The following LZTR1 variants were observed in gnomAD, a reference collection of about 807,000 sequenced individuals.
LZTR1 encodes the protein leucine zipper like post translational regulator 1.
A neutral mutation model predicts 105.7 loss-of-function variants in LZTR1; 260 were observed. That is an observed-to-expected ratio of 2.46 (90% CI 2.22 to 2.72). LZTR1 has a LOEUF of 2.72. LZTR1 is among the 30% of genes most tolerant of loss of function. The probability of loss-of-function intolerance (pLI) is 0.00; values close to 1 mark genes in which losing one functional copy is unlikely to be tolerated. For missense variants in LZTR1, 1,214 were observed against 1,166.9 expected (o/e 1.04, Z -0.59); for synonymous variants, 490 against 476.4 (o/e 1.03, Z -0.37).
chr22:20,994,566 G>A lies in LZTR1; in HGVS notation c.1624G>A (p.Glu542Lys), dbSNP rs745516367. 6 of 1,610,258 alleles carry A rather than the reference G, an allele frequency of 3.7e-6. No individual in the cohort carries two copies. Among genetic ancestry groups the A allele is most frequent in the Middle Eastern group, 3.3e-4 (2 of 6,028 alleles). ...GGGGCTCTGGGGCGCAGGCCATGTG[G>A]AGGATGTGCTGCTCATCATGGATGT... The part of the protein sequence containing the change: ...KIKYPRKGHV[E>K]DVLLIMDVYK... Residue 542 changes from glutamate to lysine, a missense_variant, in exon 15 of 21, where the codon GAG becomes AAG. Transcript: ENST00000646124.
In LZTR1 at chr22:20,982,557, G is replaced by A; in HGVS notation, c.186G>A (p.Glu62=). ...GGCGGCGCCTCCCGCCCTGCGACGAGTTCGTGGGTGCCCGGTACGGTGGGC... is the reference window on the plus strand; with the variant it reads ...GGCGGCGCCTCCCGCCCTGCGACGAATTCGTGGGTGCCCGGTACGGTGGGC... ...HRWRRLPPCD[E]FVGARRSKHT... is the part of the protein sequence containing the mutation. Residue 62 remains glutamate, a synonymous_variant, in exon 1 of 21, where the codon GAG becomes GAA. Transcript: ENST00000646124. The A allele has an allele frequency of 1.2e-6, 2 of 1,612,202 alleles. No homozygotes were observed. Among genetic ancestry groups the A allele is most frequent in the African/African-American group, 2.7e-5 (2 of 75,052 alleles).
rs1924977709 is a variant in LZTR1, at chr22:20,998,678, C to G, written c.*1330C>G. 1 of 153,066 alleles carries G rather than the reference C, an allele frequency of 6.5e-6. No individual in the cohort carries two copies. Among genetic ancestry groups the G allele is most frequent in the Non-Finnish European group, 1.5e-5 (1 of 68,670 alleles). 9.5% of individuals were successfully genotyped at this position (153,066 alleles called of 1,614,324 possible). A position where few individuals can be genotyped will look rare whatever the true frequency, so the allele number is the denominator to read the frequency against. On this transcript the variant is annotated 3_prime_UTR_variant, in exon 21 of 21. Coordinates refer to ENST00000646124, the MANE Select transcript of LZTR1 (RefSeq NM_006767.4). ...GGAACAAGGGAGGAGAGAGCAGGAG[C>G]TGGGGCAGAGGCTGAGCCGGGAGGC... is the stretch of plus-strand genomic sequence containing the variant.
chr22:20,993,745 G>A lies in LZTR1; in HGVS notation c.1344G>A (p.Val448=), dbSNP rs928583988. Residue 448 remains valine (V), a synonymous_variant, in exon 12 of 21, where the codon GTG becomes GTA. Transcript: ENST00000646124. ...GCCAGTTCTGCGACGTGGAGTTCGT[G>A]CTGGGTGAGGTGGGTGCCTGTCCTC... is the stretch of plus-strand genomic sequence containing the variant. ...ESRQFCDVEF[V]LGEKEECVQG... is the part of the protein sequence containing the mutation. The A allele has an allele frequency of 3.1e-6, 5 of 1,612,832 alleles. No individual in the cohort carries two copies. Among genetic ancestry groups the A allele is most frequent in the Non-Finnish European group, 4.2e-6 (5 of 1,179,754 alleles).
intron 10 of LZTR1, 99 bp downstream of exon 10, chr22:20,992,468 C>G: frequency 7.6e-7 from 1 of 1,322,456 alleles, no homozygotes; most frequent in Non-Finnish European, 1.0e-6. Context: ...CCGAGAAATA[C>G]TTGCTTGGGG....
chr22:20,989,394 G>T, intron 6 of LZTR1, among the ~76,000 whole-genome samples: 1 of 152,224 alleles, frequency 6.6e-6, no homozygotes, highest in East Asian at 1.9e-4. Flanking sequence ...ACACTGCCCT[G>T]ATGTCATGCA....
intron 2 of LZTR1, among the ~76,000 whole-genome samples, chr22:20,984,911 T>C (rs1053246660): frequency 6.6e-6 from 1 of 152,166 alleles, no homozygotes; most frequent in Non-Finnish European, 1.5e-5. Flanking sequence ...TCTATTTGAT[T>C]GTATGGCTTT....
At chr22:20,990,804 G>C (rs1341243422) in intron 8 of LZTR1, 10 of 400,062 alleles carry the variant, frequency 2.5e-5, no homozygotes, top group Non-Finnish European at 4.6e-5. Context: ...AGCTTGGTCA[G>C]TGCCACCAGT....
Position 20,995,805 on chromosome 22 carries a change from G to T in LZTR1, c.2002G>T (p.Asp668Tyr), listed in dbSNP as rs776005012. Residue 668 changes from aspartate to tyrosine, a missense_variant, in exon 17 of 21, where the codon GAC becomes TAC. Transcript: ENST00000646124. ...GGAGGGAGCGGGCGCGGAATTCTGT[G>T]ACATCACTCTGTTGCTTGACGGGCA... Reference protein sequence around the residue: ...YLEGAGAEFCDITLLLDGHPR... With the variant: ...YLEGAGAEFCYITLLLDGHPR... The T allele has an allele frequency of 4.3e-6, 7 of 1,613,422 alleles. No homozygotes were observed. Among genetic ancestry groups the T allele is most frequent in the African/African-American group, 1.3e-5 (1 of 74,884 alleles).
At chr22:20,992,454 G>C in intron 10 of LZTR1, 85 bp downstream of exon 10, 2 of 1,404,654 alleles carry the variant, frequency 1.4e-6, no homozygotes, top group Non-Finnish European at 1.9e-6. Context: ...GGGAGACTGA[G>C]GCCCCGAGAA....
chr22:20,992,099 C>G, intron 9 of LZTR1, 115 bp from the exon 10 acceptor site: 1 of 1,070,178 alleles, frequency 9.3e-7, no homozygotes, highest in South Asian at 1.5e-5. Flanking sequence ...AGCCCACGGC[C>G]ATGCAGCTCT....
At chr22:20,987,363 G>C in intron 3 of LZTR1, 141 bp from the exon 4 acceptor site, 3 of 595,344 alleles carry the variant, frequency 5.0e-6, no homozygotes, top group Non-Finnish European at 9.1e-6. Context: ...CACTCCAGCC[G>C]GGACGACAGA....
chr22:20,995,291 G>A (rs1924789470), intron 16 of LZTR1: 10 of 668,934 alleles, frequency 1.5e-5, no homozygotes, highest in South Asian at 1.2e-4. Flanking sequence ...CACCTCTTTC[G>A]GGCTAGGATG....
chr22:20,986,461 G>C (rs1403803992), intron 3 of LZTR1: 2 of 152,522 alleles, frequency 1.3e-5, no homozygotes, highest in African/African-American at 4.9e-5. Flanking sequence ...AGAGATGATA[G>C]ATAGATGATA....
At chr22:20,989,894 C>T (rs1319788804) in intron 7 of LZTR1, among the ~76,000 whole-genome samples, 2 of 152,090 alleles carry the variant, frequency 1.3e-5, no homozygotes, top group African/African-American at 2.4e-5. Context: ...TGGTGACCTG[C>T]GGGCCTTCAC....
rs111796535 is a variant in LZTR1 at position 20,982,650 on chromosome 22, G to A, written c.200+79G>A. The A allele has an allele frequency of 4.3e-3, 5,931 of 1,383,190 alleles. 188 individuals carry two copies. The African/African-American group carries it at 0.072, about 17-fold the overall frequency. 85.7% of individuals were successfully genotyped at this position (1,383,190 alleles called of 1,614,324 possible). A position where few individuals can be genotyped will look rare whatever the true frequency, so the allele number is the denominator to read the frequency against. Reference sequence around the variant, plus strand: ...CCAGGGCGGGTCCAGGGGCGAAGCCGGGGGGTGGTGTCCTGGGGTAGGATC... The same window carrying A: ...CCAGGGCGGGTCCAGGGGCGAAGCCAGGGGGTGGTGTCCTGGGGTAGGATC... On this transcript the variant is annotated intron_variant, in intron 1 of 20. Coordinates refer to ENST00000646124, the MANE Select transcript of LZTR1 (RefSeq NM_006767.4).
intron 3 of LZTR1, chr22:20,986,141 G>C: frequency 1.9e-6 from 1 of 529,786 alleles, no homozygotes; most frequent in Non-Finnish European, 3.4e-6. Flanking sequence ...CTTCTGGGCT[G>C]TCCACCTCTA....
At chr22:20,992,567 A>T in intron 10 of LZTR1, 198 bp downstream of exon 10, 1 of 685,786 alleles carries the variant, frequency 1.5e-6, no homozygotes, top group Non-Finnish European at 2.4e-6. Flanking sequence ...CACTGGCCCA[A>T]GTGCCCTGAC....
chr22:20,983,795 T>C (rs775392649), intron 2 of LZTR1, among the ~76,000 whole-genome samples: 1 of 152,226 alleles, frequency 6.6e-6, no homozygotes, highest in African/African-American at 2.4e-5. Flanking sequence ...AAGAGCCTCC[T>C]TGGGCATGGT....
chr22:20,995,594 G>T, intron 16 of LZTR1, 152 bp from the exon 17 acceptor site: 2 of 922,710 alleles, frequency 2.2e-6, no homozygotes, highest in South Asian at 1.5e-5. Context: ...GACAGAATGT[G>T]GCTGATGGTA....
Sources: allele counts gnomAD v4.1 joint callset (sites outside exome capture counted in the v4.1 genomes callset), GRCh38; gene constraint gnomAD v4.1.1; transcripts MANE v1.5; gene names NCBI Gene and HGNC (gene_info 2026-07-23, HGNC 2026-07-21).